BICC1: variants seen among roughly 807,000 people sequenced by gnomAD.
BICC1 encodes BicC family RNA binding protein 1.
Under a neutral mutation model 111.0 loss-of-function variants are expected in BICC1, and 43 were observed. The ratio of observed to expected loss-of-function variants is 0.39; its 90% CI spans 0.30 to 0.50. The LOEUF is 0.50. BICC1 is among the 20% of genes least tolerant of loss of function. BICC1 has a pLI of 0.88. For synonymous variants in BICC1, 467 were observed against 434.4 expected (o/e 1.07, Z -0.93); for missense variants, 1,091 against 1,203.2 (o/e 0.91, Z 1.38).
At chr10:58,626,637 GTC>G (rs1365798069) in intron 2 of BICC1, among the ~76,000 whole-genome samples, 1 of 152,098 alleles carries the variant, frequency 6.6e-6, no homozygotes, top group South Asian at 2.1e-4. Context: ...TGGGTTTTGA[GTC>G]TATATTCTCT....
intron 3 of BICC1, among the ~76,000 whole-genome samples, chr10:58,727,523 G>A (rs894384518): frequency 5.3e-5 from 8 of 151,956 alleles, no homozygotes; most frequent in African/African-American, 1.7e-4. Context: ...GGAGACTGAG[G>A]CTACAGTGAG....
chr10:58,717,368 A>AC (rs59038278), intron 3 of BICC1, among the ~76,000 whole-genome samples: 149,806 of 150,832 alleles, frequency 0.99, 74,393 homozygotes, highest in Admixed American at 1. Context: ...AAAAAAAAAA[A>AC]AAAACAGCTT....
chr10:58,748,332 T>C (rs964739710), intron 3 of BICC1, among the ~76,000 whole-genome samples: 1 of 152,066 alleles, frequency 6.6e-6, no homozygotes, highest in African/African-American at 2.4e-5. Flanking sequence ...TATAGTATAA[T>C]GCTATACTAT....
intron 3 of BICC1, among the ~76,000 whole-genome samples, chr10:58,743,434 A>C (rs1341724092): frequency 6.7e-6 from 1 of 150,192 alleles, no homozygotes; most frequent in Non-Finnish European, 1.5e-5. Context: ...CCCTCTCTCT[A>C]AATTTTTATT....
At position 58,789,819 on chromosome 10, in the gene BICC1, G is replaced by A. The variant is rs1348392909; in HGVS notation, c.933G>A (p.Met311Ile). Residue 311 changes from methionine to isoleucine, a missense_variant, in exon 8 of 21, where the codon ATG becomes ATA. By Grantham distance (10) the Met-to-Ile change is conservative. This residue lies in a region of BICC1 where 843 missense variants were observed against 900.8 expected (regional missense o/e 0.94). Transcript: ENST00000373886. Reference protein sequence around the residue: ...GRNGSNIKHIMQRTGAQIHFP... With the variant: ...GRNGSNIKHIIQRTGAQIHFP... ...ATGGGAGCAACATCAAACATATCAT[G>A]CAGAGAACAGGTGCTCAGATCCACT... is the stretch of plus-strand genomic sequence containing the variant. The A allele has an allele frequency of 2.4e-5, 38 of 1,613,978 alleles. No homozygotes were observed. Among genetic ancestry groups the A allele is most frequent in the Non-Finnish European group, 2.9e-5 (34 of 1,180,020 alleles).
chr10:58,667,319 GTAA>G (rs1839043421), intron 2 of BICC1, among the ~76,000 whole-genome samples: 1 of 151,878 alleles, frequency 6.6e-6, no homozygotes, highest in South Asian at 2.1e-4. Flanking sequence ...TGAGAACACA[GTAA>G]TGATTTTTTA....
chr10:58,622,417 A>T (rs997457084), intron 2 of BICC1, among the ~76,000 whole-genome samples: 2 of 152,206 alleles, frequency 1.3e-5, no homozygotes, highest in African/African-American at 4.8e-5. Context: ...AGATTTCCTA[A>T]TATTTCTCAC....
Position 58,829,847 on chromosome 10 carries a change from T to C in BICC1, c.*956T>C, listed in dbSNP as rs1250872462. 1 of 152,214 alleles carries C rather than the reference T, an allele frequency of 6.6e-6. No individual in the cohort carries two copies. The highest frequency in any genetic ancestry group is 2.4e-5 in the African/African-American group (1 of 41,454). 9.4% of individuals were successfully genotyped at this position (152,214 alleles called of 1,614,324 possible). ...GATATTATAAGCATACAGTACATAA[T>C]TGATGAAATTGATATTTACTAGAGA... On this transcript the variant is annotated 3_prime_UTR_variant, in exon 21 of 21. Transcript: ENST00000373886.
chr10:58,723,117 A>G (rs990029298), intron 3 of BICC1, among the ~76,000 whole-genome samples: 1 of 152,254 alleles, frequency 6.6e-6, no homozygotes, highest in Non-Finnish European at 1.5e-5. Context: ...TGCCAGACAC[A>G]TGCCCAATAA....
chr10:58,628,364 A>G (rs1373273266), intron 2 of BICC1, among the ~76,000 whole-genome samples: 4 of 152,190 alleles, frequency 2.6e-5, no homozygotes, highest in Non-Finnish European at 4.4e-5. Context: ...TCTTTTATAT[A>G]ACAGTTATAA....
At chr10:58,626,661 A>G (rs1438816293) in intron 2 of BICC1, among the ~76,000 whole-genome samples, 1 of 152,220 alleles carries the variant, frequency 6.6e-6, no homozygotes, top group Non-Finnish European at 1.5e-5. Flanking sequence ...AGCATGTTGT[A>G]GAGTCACCTG....
rs531697161 is a variant in BICC1 at position 58,512,981 on chromosome 10, G to A, written c.-163G>A. 3.6e-3 allele frequency among the ~76,000 whole-genome samples: 532 copies of A among 145,820 alleles called. 5 individuals are homozygous for A. The highest frequency in any genetic ancestry group is 0.013 in the African/African-American group (499 of 38,962). ...GCGGCGCCCGGGGCTGGGATGCGCCGGGGGCTCAGTGGCGGCGGCGGCGTT... is the reference window on the plus strand; with the variant it reads ...GCGGCGCCCGGGGCTGGGATGCGCCAGGGGCTCAGTGGCGGCGGCGGCGTT... On this transcript the variant is annotated 5_prime_UTR_variant, in exon 1 of 21. Transcript: ENST00000373886.
chr10:58,513,650 C>T (rs559953643), intron 1 of BICC1, among the ~76,000 whole-genome samples: 53 of 152,356 alleles, frequency 3.5e-4, no homozygotes, highest in Non-Finnish European at 5.0e-4. Flanking sequence ...TTAGCCCGGA[C>T]ACCTGGGCTG....
intron 1 of BICC1, among the ~76,000 whole-genome samples, chr10:58,594,013 G>C (rs886241614): frequency 2.6e-5 from 4 of 151,860 alleles, no homozygotes; most frequent in African/African-American, 4.8e-5. Context: ...AGAATAACCA[G>C]GGTAGAGAAG....
chr10:58,566,206 G>A (rs560400480), intron 1 of BICC1, among the ~76,000 whole-genome samples: 5 of 150,602 alleles, frequency 3.3e-5, no homozygotes, highest in East Asian at 3.9e-4. Flanking sequence ...GTATACACAT[G>A]TACACACTTG....
At chr10:58,654,922 C>T (rs1303684738) in intron 2 of BICC1, among the ~76,000 whole-genome samples, 1 of 140,792 alleles carries the variant, frequency 7.1e-6, no homozygotes, top group African/African-American at 2.6e-5. Flanking sequence ...TTTCCCAGCA[C>T]CATTTATTAA....
At chr10:58,639,567 G>GT (rs141399509) in intron 2 of BICC1, among the ~76,000 whole-genome samples, 11 of 89,944 alleles carry the variant, frequency 1.2e-4, no homozygotes, top group African/African-American at 3.8e-4. Flanking sequence ...CCAGCTAATT[G>GT]TTTTTTTTTT....
chr10:58,716,784 G>A (rs1177981275), intron 3 of BICC1, among the ~76,000 whole-genome samples: 3 of 148,438 alleles, frequency 2.0e-5, no homozygotes, highest in Non-Finnish European at 4.4e-5. Context: ...TTAGGGTTGG[G>A]GGGGTGGTTT....
chr10:58,521,388 C>T (rs1021291813), intron 1 of BICC1, among the ~76,000 whole-genome samples: 10 of 152,220 alleles, frequency 6.6e-5, no homozygotes, highest in South Asian at 4.1e-4. Flanking sequence ...ATATTTAGCC[C>T]GCTGTCCCAA....
Sources: allele counts gnomAD v4.1 joint callset (sites outside exome capture counted in the v4.1 genomes callset), GRCh38; gene constraint gnomAD v4.1.1; regional missense constraint gnomAD v4.1.1; transcripts MANE v1.5; gene names NCBI Gene and HGNC (gene_info 2026-07-23, HGNC 2026-07-21).